The following SLC11A2 variants were observed in gnomAD, a reference collection of about 807,000 sequenced individuals.
SLC11A2 encodes the protein solute carrier family 11 member 2, also known as natural resistance-associated macrophage protein 2.
Under a neutral mutation model 68.0 loss-of-function variants are expected in SLC11A2, and 38 were observed. That is an observed-to-expected ratio of 0.56 (90% CI 0.43 to 0.73). The LOEUF is 0.73. Ranked by LOEUF, SLC11A2 falls within the 30% of genes least tolerant of loss-of-function variation. The pLI, the probability that SLC11A2 is intolerant of heterozygous loss-of-function variation, is 0.00. For synonymous variants in SLC11A2, 242 were observed against 250.6 expected (o/e 0.97, Z 0.32); for missense variants, 517 against 690.5 (o/e 0.75, Z 2.82).
chr12:50,999,716 T>C (rs1190852811), intron 6 of SLC11A2, among the ~76,000 whole-genome samples: 1 of 152,124 alleles, frequency 6.6e-6, no homozygotes, highest in East Asian at 1.9e-4. Context: ...AGATAGTATC[T>C]AGTGGGGGCT....
chr12:51,013,366 C>T (rs191642988), intron 1 of SLC11A2, among the ~76,000 whole-genome samples: 1 of 150,062 alleles, frequency 6.7e-6, no homozygotes, highest in African/African-American at 2.5e-5. Context: ...TCTCAGCTCG[C>T]TACAACCTCT....
At chr12:50,953,721 A>C in the SLC11A2 span, among the ~76,000 whole-genome samples, 1 of 152,240 alleles carries the variant, frequency 6.6e-6, no homozygotes, top group East Asian at 1.9e-4. Context: ...AGGAGACTGA[A>C]TAACAGCATT....
chr12:51,008,766 A>G (rs755194254), intron 2 of SLC11A2, 142 bp from the exon 3 acceptor site: 7 of 683,386 alleles, frequency 1.0e-5, no homozygotes, highest in Non-Finnish European at 1.8e-5. Flanking sequence ...TATTTTGAAT[A>G]GTTTATTTTT....
intron 1 of SLC11A2, among the ~76,000 whole-genome samples, chr12:51,020,903 G>C (rs571929051): frequency 6.6e-6 from 1 of 151,812 alleles, no homozygotes. Context: ...CAGCCTGGGC[G>C]ACATAGTGAG....
At chr12:51,017,732 A>C (rs1943758889) in intron 1 of SLC11A2, among the ~76,000 whole-genome samples, 1 of 152,168 alleles carries the variant, frequency 6.6e-6, no homozygotes, top group Non-Finnish European at 1.5e-5. Context: ...ACAGCTGTCT[A>C]ATTGGCAGGT....
the SLC11A2 span, among the ~76,000 whole-genome samples, chr12:50,971,081 T>C: frequency 3.9e-5 from 6 of 152,150 alleles, no homozygotes; most frequent in Admixed American, 3.9e-4. Context: ...GGTTTCATCA[T>C]GTTGGCCAGG....
chr12:50,999,125 AC>A lies in SLC11A2; in HGVS notation c.675+48del, dbSNP rs763305839. 44 of 1,425,296 alleles carry A rather than the reference AC, an allele frequency of 3.1e-5. No homozygotes were observed. In the African/African-American group the frequency reaches 5.8e-4, roughly 19 times the overall value. The allele number at this position is 1,425,296 out of a possible 1,614,324, so 88.3% of individuals were successfully genotyped here. Reference sequence around the variant, plus strand: ...TTATAATAAAAGGCTAAAAAAAAAAACCACAAAAACTTATTTTAAGAAGCTA... The same window carrying A: ...TTATAATAAAAGGCTAAAAAAAAAAACACAAAAACTTATTTTAAGAAGCTA... On this transcript the variant is annotated intron_variant, in intron 8 of 15. Coordinates refer to ENST00000262052, the MANE Select transcript of SLC11A2 (RefSeq NM_000617.3).
At chr12:50,963,522 C>T in the SLC11A2 span, among the ~76,000 whole-genome samples, 5 of 151,998 alleles carry the variant, frequency 3.3e-5, no homozygotes, top group East Asian at 1.9e-4. Context: ...CATTCACTGA[C>T]GGAGGTGAAA....
chr12:51,002,663 C>G (rs1942363656), intron 5 of SLC11A2, among the ~76,000 whole-genome samples: 1 of 49,390 alleles, frequency 2.0e-5, no homozygotes, highest in Non-Finnish European at 5.0e-5. Flanking sequence ...AGGGCAGAGC[C>G]AGGCGCAGTA....
intron 5 of SLC11A2, chr12:51,000,646 G>T: frequency 1.7e-6 from 1 of 594,202 alleles, no homozygotes; most frequent in East Asian, 2.8e-5. Context: ...GTGAACGAAG[G>T]TCAAGGCAGT....
upstream of SLC11A2, among the ~76,000 whole-genome samples, chr12:51,028,808 G>A (rs939372702): frequency 2.0e-5 from 3 of 152,160 alleles, no homozygotes; most frequent in African/African-American, 7.2e-5. Flanking sequence ...GGACCCTCTG[G>A]CTTCAGCCTG....
intron 12 of SLC11A2, 98 bp from the exon 13 acceptor site, chr12:50,992,437 A>T (rs1941244809): frequency 1.7e-6 from 2 of 1,169,274 alleles, no homozygotes; most frequent in African/African-American, 1.5e-5. Flanking sequence ...GGGATTAAGA[A>T]GTGACAAAAG....
the SLC11A2 span, among the ~76,000 whole-genome samples, chr12:50,957,682 C>T: frequency 2.0e-5 from 3 of 151,568 alleles, no homozygotes; most frequent in East Asian, 2.0e-4. Context: ...GTAAGGAGTT[C>T]GAGACCAGCC....
chr12:51,014,363 T>G (rs940579603), intron 1 of SLC11A2: 1 of 152,196 alleles, frequency 6.6e-6, no homozygotes, highest in Non-Finnish European at 1.5e-5. Context: ...TTTTAAATAA[T>G]TATTAGTGAT....
At chr12:50,967,393 T>G in the SLC11A2 span, among the ~76,000 whole-genome samples, 1 of 152,136 alleles carries the variant, frequency 6.6e-6, no homozygotes, top group African/African-American at 2.4e-5. Flanking sequence ...ATGGTCCACT[T>G]GCCTCAGCCT....
chr12:50,972,787 C>G, the SLC11A2 span, among the ~76,000 whole-genome samples: 2 of 152,328 alleles, frequency 1.3e-5, no homozygotes, highest in South Asian at 4.1e-4. Flanking sequence ...CGGGTCACTC[C>G]CACCCTAATA....
Position 51,014,714 on chromosome 12 carries a change from G to A in SLC11A2, c.-38-3948C>T, listed in dbSNP as rs113905427. 7.1e-3 allele frequency among the ~76,000 whole-genome samples: 1,073 copies of A among 152,026 alleles called. 20 individuals carry two copies. Among genetic ancestry groups the A allele is most frequent in the African/African-American group, 0.024 (999 of 41,464 alleles). ...CTAAAAATACAAACATTAGCCAGGC[G>A]TGGTGGTAGGTGCCTGTAATTCCAA... is the stretch of plus-strand genomic sequence containing the variant. On this transcript the variant is annotated intron_variant, in intron 1 of 15. Transcript: ENST00000262052.
chr12:51,022,989 T>C (rs935441109), intron 1 of SLC11A2, among the ~76,000 whole-genome samples: 3 of 152,240 alleles, frequency 2.0e-5, no homozygotes, highest in Non-Finnish European at 2.9e-5. Context: ...TGCTGGCCAA[T>C]TGTTTTATAT....
At chr12:51,006,858 C>T (rs1942772600) in intron 3 of SLC11A2, among the ~76,000 whole-genome samples, 1 of 152,136 alleles carries the variant, frequency 6.6e-6, no homozygotes, top group South Asian at 2.1e-4. Context: ...CCACTTCAGC[C>T]TCCAAAGTAG....
Sources: gnomAD v4.1 joint callset for allele counts (sites outside exome capture counted in the v4.1 genomes callset) on GRCh38, gnomAD v4.1.1 for gene constraint, MANE v1.5 for transcripts, NCBI Gene and HGNC (gene_info 2026-07-23, HGNC 2026-07-21) for gene names.